Variants in SLC12A2 observed in about 807,000 individuals in gnomAD.
SLC12A2 encodes the protein solute carrier family 12 member 2.
In SLC12A2, 67 loss-of-function variants were observed where a neutral mutation model predicts 136.3. The observed-to-expected ratio is 0.49, with a 90% CI of 0.40 to 0.60. The LOEUF is 0.60. SLC12A2 is among the 20% of genes least tolerant of loss of function. The pLI is 0.00. For missense variants in SLC12A2, 1,322 were observed against 1,534.7 expected, an observed-to-expected ratio of 0.86 and a Z score of 2.32; for synonymous variants, 619 against 562.9, an observed-to-expected ratio of 1.10 and a Z score of -1.41.
intron 1 of SLC12A2, among the ~76,000 whole-genome samples, chr5:128,100,036 A>G (rs1262848273): frequency 2.0e-5 from 3 of 152,146 alleles, no homozygotes; most frequent in East Asian, 3.8e-4. Context: ...GTGAATAATT[A>G]TATCCGCTAT....
intron 17 of SLC12A2, among the ~76,000 whole-genome samples, chr5:128,163,995 C>A (rs1434505646): frequency 6.6e-6 from 1 of 152,066 alleles, no homozygotes; most frequent in Non-Finnish European, 1.5e-5. Flanking sequence ...AATCTTGCTT[C>A]CTTTATATAA....
chr5:128,101,241 TA>T (rs1026547289), intron 1 of SLC12A2, among the ~76,000 whole-genome samples: 6 of 152,066 alleles, frequency 3.9e-5, no homozygotes, highest in African/African-American at 1.4e-4. Flanking sequence ...AGTACTTGAT[TA>T]AAAAAAATTG....
At chr5:128,175,820 C>A (rs1319155919) in intron 20 of SLC12A2, among the ~76,000 whole-genome samples, 6 of 151,858 alleles carry the variant, frequency 4.0e-5, no homozygotes, top group Admixed American at 3.9e-4. Flanking sequence ...TTTCTGAGAT[C>A]TTTTAAACAA....
Position 128,138,515 on chromosome 5 carries a change from T to C in SLC12A2, c.1409-82T>C, listed in dbSNP as rs1317447873. On this transcript the variant is annotated intron_variant, in intron 7 of 26. Coordinates refer to ENST00000262461, the MANE Select transcript of SLC12A2 (RefSeq NM_001046.3). ...TTAACTGAAGAAAAGTTAGGGGTCA[T>C]GTATACCTATTATTCTTGACCTCAG... The C allele has an allele frequency of 3.2e-6, 4 of 1,265,890 alleles. No homozygotes were observed. In the South Asian group the frequency reaches 5.9e-5, roughly 19 times the overall value. The allele number at this position is 1,265,890 out of a possible 1,614,324, so 78.4% of individuals were successfully genotyped here.
intron 4 of SLC12A2, among the ~76,000 whole-genome samples, chr5:128,120,612 A>G (rs1013877343): frequency 6.6e-6 from 1 of 151,480 alleles, no homozygotes; most frequent in Non-Finnish European, 1.5e-5. Flanking sequence ...CGCAAGGACA[A>G]AAAACCAAAC....
chr5:128,101,922 G>C (rs999219588), intron 1 of SLC12A2, among the ~76,000 whole-genome samples: 1 of 152,110 alleles, frequency 6.6e-6, no homozygotes. Context: ...TTTCATATTT[G>C]TATGCAAAAG....
rs530506798 is a variant in SLC12A2, at chr5:128,139,819, G to A, written c.1621+911G>A. Among the ~76,000 whole-genome samples the A allele has an allele frequency of 1.0e-3, 154 of 152,202 alleles. 3 individuals are homozygous for A. The highest frequency in any genetic ancestry group is 2.3e-3 in the Admixed American group (35 of 15,278). ...GCTACACAATATGAGGTTTCTATTG[G>A]ATTTGGTAAGAAAATTTCATTTTTG... On this transcript the variant is annotated intron_variant, in intron 9 of 26. Transcript: ENST00000262461.
At chr5:128,149,598 T>A (rs1275863906) in intron 12 of SLC12A2, among the ~76,000 whole-genome samples, 1 of 151,868 alleles carries the variant, frequency 6.6e-6, no homozygotes, top group African/African-American at 2.4e-5. Context: ...TGGTTTTCAT[T>A]TATCAATATG....
intron 2 of SLC12A2, among the ~76,000 whole-genome samples, chr5:128,113,252 G>T (rs1761220049): frequency 6.6e-6 from 1 of 152,136 alleles, no homozygotes; most frequent in African/African-American, 2.4e-5. Context: ...TAAATATGAA[G>T]ACTATCAAAT....
At chr5:128,098,635 GT>G (rs1183888821) in intron 1 of SLC12A2, among the ~76,000 whole-genome samples, 2 of 150,060 alleles carry the variant, frequency 1.3e-5, no homozygotes, top group East Asian at 3.9e-4. Context: ...ATTGTTGTTG[GT>G]TTTTTTTTGT....
chr5:128,110,214 A>G, intron 1 of SLC12A2: 1 of 807,156 alleles, frequency 1.2e-6, no homozygotes, highest in East Asian at 2.4e-5. Context: ...TTTGCTTTGG[A>G]AAAAAAGAAA....
At chr5:128,174,373 T>C (rs1763477227) in intron 19 of SLC12A2, among the ~76,000 whole-genome samples, 168 bp from the exon 20 acceptor site, 1 of 152,182 alleles carries the variant, frequency 6.6e-6, no homozygotes, top group Non-Finnish European at 1.5e-5. Context: ...TTGTGGTTTA[T>C]GTATTTAAAT....
At chr5:128,174,315 G>A (rs1400155738) in intron 19 of SLC12A2, among the ~76,000 whole-genome samples, 1 of 152,110 alleles carries the variant, frequency 6.6e-6, no homozygotes, top group Admixed American at 6.5e-5. Context: ...TGTTAGGCAT[G>A]TAAAAAGTTT....
At position 128,147,729 on chromosome 5, in the gene SLC12A2, GGTAA is replaced by G; in HGVS notation, c.1881+3_1881+6del. 6.3e-7 allele frequency: 1 copy of G among 1,579,422 alleles called. No individual in the cohort carries two copies. Among genetic ancestry groups the G allele is most frequent in the African/African-American group, 1.3e-5 (1 of 74,234 alleles). Reference sequence around the variant, plus strand: ...TAGTGAGTGCTCCCAAAATATTTCAGGTAAGTGTTTTTATATTACAGGCTTTATT... The same window carrying G: ...TAGTGAGTGCTCCCAAAATATTTCAGGTGTTTTTATATTACAGGCTTTATT... On this transcript the variant is annotated splice_donor_variant and splice_donor_region_variant and intron_variant, in intron 11 of 26. Transcript: ENST00000262461. LOFTEE classifies it high-confidence loss of function.
intron 1 of SLC12A2, among the ~76,000 whole-genome samples, chr5:128,094,615 T>C (rs1402327329): frequency 6.6e-6 from 1 of 152,078 alleles, no homozygotes; most frequent in Non-Finnish European, 1.5e-5. Context: ...ATAGAAAAGA[T>C]TTAGGCTGCA....
At chr5:128,116,235 A>G (rs1761345597) in intron 4 of SLC12A2, among the ~76,000 whole-genome samples, 1 of 152,172 alleles carries the variant, frequency 6.6e-6, no homozygotes. Flanking sequence ...GGAATGGGGC[A>G]TGAAGCCACT....
rs34780928 is a variant in SLC12A2 at position 128,102,582 on chromosome 5, ACCC to A, written c.757-10223_757-10221del. On this transcript the variant is annotated intron_variant, in intron 1 of 26. Coordinates refer to ENST00000262461, the MANE Select transcript of SLC12A2 (RefSeq NM_001046.3). The stretch of plus-strand genomic sequence containing the variant: ...TTTATACTGTGTCTTTCTGTAATTC[ACCC>A]CCCCCCCCGCCTTTTTTTTTTTTTT... Among the ~76,000 whole-genome samples, 163 of 88,398 alleles carry A rather than the reference ACCC, an allele frequency of 1.8e-3. 8 individuals are homozygous for A. The highest frequency in any genetic ancestry group is 5.3e-3 in the South Asian group (10 of 1,880). 58.0% of individuals were successfully genotyped at this position (88,398 alleles called of 152,430 possible). A position where few individuals can be genotyped will look rare whatever the true frequency, so the allele number is the denominator to read the frequency against.
At chr5:128,134,552 C>G (rs946388555) in intron 6 of SLC12A2, among the ~76,000 whole-genome samples, 2 of 152,048 alleles carry the variant, frequency 1.3e-5, no homozygotes, top group African/African-American at 4.8e-5. Flanking sequence ...TGTAAAAATG[C>G]TGAGGTCAGT....
At chr5:128,179,827 C>T (rs914771635) in intron 22 of SLC12A2, among the ~76,000 whole-genome samples, 1 of 151,880 alleles carries the variant, frequency 6.6e-6, no homozygotes, top group African/African-American at 2.4e-5. Flanking sequence ...GGCTGATATC[C>T]GAACTATTCC....
Sources: allele counts gnomAD v4.1 joint callset (sites outside exome capture counted in the v4.1 genomes callset), GRCh38; gene constraint gnomAD v4.1.1; transcripts MANE v1.5; gene names NCBI Gene and HGNC (gene_info 2026-07-23, HGNC 2026-07-21).